The following TUBB1 variants were observed in gnomAD, a reference collection of about 807,000 sequenced individuals.
TUBB1 encodes the protein tubulin beta 1 class VI, also known as tubulin beta-1 chain.
TUBB1 carries 28 observed loss-of-function variants against 22.6 expected under a neutral mutation model. That is an observed-to-expected ratio of 1.24 (90% CI 0.92 to 1.70). The LOEUF is 1.70. TUBB1 is among the 40% of genes most tolerant of loss of function. The pLI, the probability that TUBB1 is intolerant of heterozygous loss-of-function variation, is 0.00. For synonymous variants in TUBB1, 226 were observed against 238.0 expected (o/e 0.95, Z 0.46); for missense variants, 577 against 605.5 (o/e 0.95, Z 0.49).
Position 59,022,925 on chromosome 20 carries a change from A to T in TUBB1, c.138A>T (p.Arg46Ser). The T allele has an allele frequency of 6.2e-7, 1 of 1,614,014 alleles. No individual in the cohort carries two copies. The highest frequency in any genetic ancestry group is 8.5e-7 in the Non-Finnish European group (1 of 1,179,998). ...GGGCCTCGGCCTTGCAGCTGGAGAGAATCAGCGTGTACTACAACGAAGCCT... is the reference window on the plus strand; with the variant it reads ...GGGCCTCGGCCTTGCAGCTGGAGAGTATCAGCGTGTACTACAACGAAGCCT... ...DRGASALQLE[R>S]ISVYYNEAYG... The change falls in exon 2 of 4, where the codon AGA becomes AGT. Residue 46 changes from arginine to serine, a missense_variant. Transcript: ENST00000217133.
At chr20:59,019,310 C>A (rs2091957414), upstream of TUBB1, 2 of 618,036 alleles carry the variant, frequency 3.2e-6, no homozygotes, top group Non-Finnish European at 5.8e-6. Flanking sequence ...GCATGACAGG[C>A]AGAAAGCAGA....
chr20:59,024,277 C>T lies in TUBB1; in HGVS notation c.850C>T (p.Leu284Phe), dbSNP rs2146377410. 1.9e-6 allele frequency: 3 copies of T among 1,614,022 alleles called. No individual in the cohort carries two copies. Among genetic ancestry groups the T allele is most frequent in the Non-Finnish European group, 2.5e-6 (3 of 1,180,050 alleles). ...TAQGSQQYRA[L>F]SVAELTQQMF... ...CCAGGGCAGCCAGCAGTACCGAGCCCTCTCCGTGGCCGAGCTCACCCAGCA... is the reference window on the plus strand; with the variant it reads ...CCAGGGCAGCCAGCAGTACCGAGCCTTCTCCGTGGCCGAGCTCACCCAGCA... The change falls in exon 4 of 4, where the codon CTC (leucine) becomes TTC (phenylalanine). Residue 284 changes from leucine to phenylalanine, a missense_variant. Transcript: ENST00000217133. The surrounding 1 kb of genome is among the most constrained non-coding windows in gnomAD (Gnocchi z 4.9).
Position 59,025,254 on chromosome 20 carries a change from T to C in TUBB1, c.*471T>C, listed in dbSNP as rs1020029824. ...CACTGACTGGCATCCTGCTTTCCAGTGCCTGCCAGCCTCCAGAAGAGCCAG... is the reference window on the plus strand; with the variant it reads ...CACTGACTGGCATCCTGCTTTCCAGCGCCTGCCAGCCTCCAGAAGAGCCAG... On this transcript the variant is annotated 3_prime_UTR_variant, in exon 4 of 4. Transcript: ENST00000217133. 6 of 228,334 alleles carry C rather than the reference T, an allele frequency of 2.6e-5. No homozygotes were observed. Among genetic ancestry groups the C allele is most frequent in the African/African-American group, 1.4e-4 (6 of 44,018 alleles). The allele number at this position is 228,334 out of a possible 1,614,324, so 14.1% of individuals were successfully genotyped here.
chr20:59,023,174 C>T (rs977054425), intron 2 of TUBB1, among the ~76,000 whole-genome samples: 4 of 152,162 alleles, frequency 2.6e-5, no homozygotes, highest in African/African-American at 9.7e-5. Context: ...TTAACACAAG[C>T]AGGTTAAGTA....
chr20:59,019,564 C>A lies in TUBB1; in HGVS notation c.42C>A (p.Asn14Lys), dbSNP rs1270680431. 1 of 1,614,180 alleles carries A rather than the reference C, an allele frequency of 6.2e-7. No individual in the cohort carries two copies. Among genetic ancestry groups the A allele is most frequent in the East Asian group, 2.2e-5 (1 of 44,884 alleles). Residue 14 changes from asparagine (N) to lysine (K), a missense_variant, in exon 1 of 4, where the codon AAC (asparagine) becomes AAA (lysine). Physicochemically the swap from Asn to Lys is moderately conservative, Grantham distance 94. Transcript: ENST00000217133. ...ATATTCAGATTGGCCAGTGTGGCAACCAGATCGGAGCCAAGGTAAGTAATG... is the reference window on the plus strand; with the variant it reads ...ATATTCAGATTGGCCAGTGTGGCAAACAGATCGGAGCCAAGGTAAGTAATG... ...IVHIQIGQCG[N>K]QIGAKFWEMI...
rs146557228 is a variant in TUBB1, at chr20:59,019,980, A to G, written c.57+401A>G. On this transcript the variant is annotated intron_variant, in intron 1 of 3. Coordinates refer to ENST00000217133, the MANE Select transcript of TUBB1 (RefSeq NM_030773.4). Reference sequence around the variant, plus strand: ...AGCCTCAACCTCCTGGGCTCAAGCTATTCTCCTGCCTCAGCCTCCTGAGTA... The same window carrying G: ...AGCCTCAACCTCCTGGGCTCAAGCTGTTCTCCTGCCTCAGCCTCCTGAGTA... 6.9e-3 allele frequency among the ~76,000 whole-genome samples: 1,050 copies of G among 152,248 alleles called. 15 individuals carry two copies. The highest frequency in any genetic ancestry group is 0.024 in the African/African-American group (997 of 41,546).
rs747059635 is a variant in TUBB1 at position 59,022,877 on chromosome 20, C to T, written c.90C>T (p.Ile30=). 3.1e-6 allele frequency: 5 copies of T among 1,613,912 alleles called. No homozygotes were observed. Among genetic ancestry groups the T allele is most frequent in the African/African-American group, 1.3e-5 (1 of 74,852 alleles). The stretch of plus-strand genomic sequence containing the variant: ...AGATGATTGGTGAGGAACACGGGAT[C>T]GACTTGGCTGGGAGCGACCGCGGGG... ...FWEMIGEEHG[I]DLAGSDRGAS... is the part of the protein sequence containing the mutation. The change falls in exon 2 of 4, where the codon ATC becomes ATT. Residue 30 remains isoleucine, a synonymous_variant. Coordinates refer to ENST00000217133, the MANE Select transcript of TUBB1 (RefSeq NM_030773.4).
At position 59,024,775 on chromosome 20, in the gene TUBB1, G is replaced by A. The variant is rs543621962; in HGVS notation, c.1348G>A (p.Gly450Arg). Reference protein sequence around the residue: ...EEAEMEPEDKGH With the variant: ...EEAEMEPEDKRH ...GGCAGAAATGGAGCCAGAAGATAAG[G>A]GACATTAACTGTGAGAGAAGCTGTG... is the stretch of plus-strand genomic sequence containing the variant. Residue 450 changes from glycine (G) to arginine (R), a missense_variant, in exon 4 of 4, where the codon GGA becomes AGA. Gly to Arg is a moderately radical substitution (Grantham distance 125, BLOSUM62 -2). Coordinates refer to ENST00000217133, the MANE Select transcript of TUBB1 (RefSeq NM_030773.4). The surrounding 1 kb of genome is among the most constrained non-coding windows in gnomAD (Gnocchi z 4.9). The A allele has an allele frequency of 1.9e-5, 31 of 1,613,902 alleles. No individual in the cohort carries two copies. The highest frequency in any genetic ancestry group is 2.5e-5 in the Non-Finnish European group (30 of 1,179,970).
At chr20:59,018,160 C>T (rs563013735), upstream of TUBB1, among the ~76,000 whole-genome samples, 1 of 152,358 alleles carries the variant, frequency 6.6e-6, no homozygotes, top group East Asian at 1.9e-4. Context: ...CCTTCCCCAT[C>T]TTCCTTGGAA....
At chr20:59,019,051 A>G (rs1446638385), upstream of TUBB1, among the ~76,000 whole-genome samples, 1 of 152,172 alleles carries the variant, frequency 6.6e-6, no homozygotes, top group African/African-American at 2.4e-5. Flanking sequence ...TCTGGGGACC[A>G]AAGTCTGGAA....
chr20:59,021,284 C>T (rs1472156952), intron 1 of TUBB1, among the ~76,000 whole-genome samples: 2 of 152,200 alleles, frequency 1.3e-5, no homozygotes, highest in Non-Finnish European at 2.9e-5. Flanking sequence ...GTTGAGAGTC[C>T]TGGCTGACTC....
At position 59,024,125 on chromosome 20, in the gene TUBB1, T is replaced by C. The variant is rs1484219553; in HGVS notation, c.698T>C (p.Met233Thr). Residue 233 changes from methionine to threonine, a missense_variant, in exon 4 of 4, where the codon ATG (methionine) becomes ACG (threonine). Physicochemically the swap from Met to Thr is moderately conservative, Grantham distance 81. Transcript: ENST00000217133. This position sits in a 1 kb window ranked among gnomAD's most constrained non-coding sequence, Gnocchi z 4.9. ...CTCAACCACCTAGTGTCCTTGACCA[T>C]GAGCGGCATAACCACCTCCCTCCGG... ...GDLNHLVSLTMSGITTSLRFP... is the reference protein window; with the variant it reads ...GDLNHLVSLTTSGITTSLRFP... 1.9e-6 allele frequency: 3 copies of C among 1,614,240 alleles called. No individual in the cohort carries two copies. The highest frequency in any genetic ancestry group is 1.1e-5 in the South Asian group (1 of 91,086).
chr20:59,019,975 A>G (rs184977718), intron 1 of TUBB1, among the ~76,000 whole-genome samples: 1 of 152,286 alleles, frequency 6.6e-6, no homozygotes, highest in East Asian at 1.9e-4. Flanking sequence ...TCCTGGGCTC[A>G]AGCTATTCTC....
chr20:59,019,213 G>T, upstream of TUBB1: 1 of 447,122 alleles, frequency 2.2e-6, no homozygotes, highest in South Asian at 2.2e-5. Context: ...CCTGTGCCCC[G>T]AGGTGGCCTT....
Position 59,022,855 on chromosome 20 carries a change from T to C in TUBB1, c.68T>C (p.Met23Thr), listed in dbSNP as rs374942824. The change falls in exon 2 of 4, where the codon ATG (methionine) becomes ACG (threonine). Residue 23 changes from methionine to threonine, a missense_variant. Transcript: ENST00000217133. The stretch of plus-strand genomic sequence containing the variant: ...TCCTCCTGCTTTCAGTTCTGGGAGA[T>C]GATTGGTGAGGAACACGGGATCGAC... ...GNQIGAKFWE[M>T]IGEEHGIDLA... The C allele has an allele frequency of 7.9e-5, 128 of 1,614,092 alleles. No individual in the cohort carries two copies. Among genetic ancestry groups the C allele is most frequent in the Non-Finnish European group, 1.0e-4 (121 of 1,180,020 alleles).
At position 59,024,353 on chromosome 20, in the gene TUBB1, G is replaced by A. The variant is rs776524370; in HGVS notation, c.926G>A (p.Arg309His). ...GCTGCCTGTGACCTCCGCCGTGGCC[G>A]CTACCTCACAGTGGCCTGCATTTTC... is the stretch of plus-strand genomic sequence containing the variant. ...TMAACDLRRG[R>H]YLTVACIFRG... The change falls in exon 4 of 4, where the codon CGC (arginine) becomes CAC (histidine). Residue 309 changes from arginine (R) to histidine (H), a missense_variant. Transcript: ENST00000217133. This position sits in a 1 kb window ranked among gnomAD's most constrained non-coding sequence, Gnocchi z 4.9. 59 of 1,613,968 alleles carry A rather than the reference G, an allele frequency of 3.7e-5. No homozygotes were observed. Among genetic ancestry groups the A allele is most frequent in the Non-Finnish European group, 4.7e-5 (56 of 1,180,020 alleles).
In TUBB1 at chr20:59,024,084, A is replaced by G. The variant is rs1405008602; in HGVS notation, c.657A>G (p.Thr219=). Residue 219 remains threonine (T), a synonymous_variant, in exon 4 of 4, where the codon ACA becomes ACG. Transcript: ENST00000217133. The surrounding 1 kb of genome is among the most constrained non-coding windows in gnomAD (Gnocchi z 4.9). ...DICFRTLKLT[T]PTYGDLNHLV... ...GCTTCCGTACCCTGAAGCTGACGAC[A>G]CCCACCTATGGGGATCTCAACCACC... 1 of 1,614,120 alleles carries G rather than the reference A, an allele frequency of 6.2e-7. No individual in the cohort carries two copies. Among genetic ancestry groups the G allele is most frequent in the East Asian group, 2.2e-5 (1 of 44,876 alleles).
upstream of TUBB1, among the ~76,000 whole-genome samples, chr20:59,016,956 A>C (rs2146371269): frequency 6.6e-6 from 1 of 152,270 alleles, no homozygotes; most frequent in Middle Eastern, 3.4e-3. Context: ...AACTTAGAGA[A>C]ATGTTACAAG....
At chr20:59,022,510 A>G (rs2091972240) in intron 1 of TUBB1, among the ~76,000 whole-genome samples, 1 of 152,204 alleles carries the variant, frequency 6.6e-6, no homozygotes. Flanking sequence ...ATAAGGAGAA[A>G]TTAGAGCTAT....
Sources: allele counts gnomAD v4.1 joint callset (sites outside exome capture counted in the v4.1 genomes callset), GRCh38; gene constraint gnomAD v4.1.1; non-coding constraint Gnocchi (gnomAD v3.1); transcripts MANE v1.5; gene names NCBI Gene and HGNC (gene_info 2026-07-23, HGNC 2026-07-21).